SLMAP: variants seen among roughly 807,000 people sequenced by gnomAD.
The protein encoded by SLMAP is sarcolemma associated protein, also known as sarcolemmal membrane-associated protein.
In SLMAP, 44 loss-of-function variants were observed where a neutral mutation model predicts 128.8. That is an observed-to-expected ratio of 0.34 (90% CI 0.27 to 0.44). The LOEUF is 0.44. Among genes scored for constraint, SLMAP ranks in the 20% least tolerant of loss-of-function variants. The probability of loss-of-function intolerance (pLI) is 1.00; values close to 1 mark genes in which losing one functional copy is unlikely to be tolerated. For missense variants in SLMAP, 787 were observed against 985.3 expected (o/e 0.80, Z 2.69); for synonymous variants, 327 against 348.8 (o/e 0.94, Z 0.70).
At chr3:57,798,762 A>G (rs2087420875) in intron 2 of SLMAP, among the ~76,000 whole-genome samples, 1 of 152,184 alleles carries the variant, frequency 6.6e-6, no homozygotes, top group Non-Finnish European at 1.5e-5. Context: ...ACCATATTGA[A>G]ATTCACTTTT....
chr3:57,871,780 A>C, intron 14 of SLMAP, 82 bp downstream of exon 14: 134 of 1,040,940 alleles, frequency 1.3e-4, no homozygotes, highest in Non-Finnish European at 1.7e-4. Context: ...TGAGGATCTC[A>C]ATGTGTTTGT....
At chr3:57,877,870 C>G (rs1227409726) in intron 14 of SLMAP, among the ~76,000 whole-genome samples, 1 of 144,822 alleles carries the variant, frequency 6.9e-6, no homozygotes, top group Non-Finnish European at 1.5e-5. Flanking sequence ...AGTCTCGCTC[C>G]GTTGCCCAGG....
At position 57,910,196 on chromosome 3, in the gene SLMAP, T is replaced by G. The variant is rs1335961017; in HGVS notation, c.1699+1046T>G. On this transcript the variant is annotated intron_variant, in intron 19 of 24. Transcript: ENST00000671191. ...ACTTGTATTGCAAGAAAATATTTTTTTGCTTGTTTTTTTGAGACATAGTCT... is the reference window on the plus strand; with the variant it reads ...ACTTGTATTGCAAGAAAATATTTTTGTGCTTGTTTTTTTGAGACATAGTCT... Among the ~76,000 whole-genome samples, 4 of 152,090 alleles carry G rather than the reference T, an allele frequency of 2.6e-5. No homozygotes were observed. The East Asian group carries it at 7.7e-4, about 29-fold the overall frequency.
intron 17 of SLMAP, chr3:57,898,779 G>C (rs898522898): frequency 2.0e-5 from 3 of 152,188 alleles, no homozygotes; most frequent in Non-Finnish European, 4.4e-5. Flanking sequence ...ACAAAGCTAA[G>C]AGCCAAAGAA....
intron 2 of SLMAP, among the ~76,000 whole-genome samples, chr3:57,818,287 C>G (rs1219664562): frequency 6.6e-6 from 1 of 152,206 alleles, no homozygotes; most frequent in Non-Finnish European, 1.5e-5. Context: ...TCCCTAGTAG[C>G]TGGGATTACA....
chr3:57,759,202 T>C (rs1397232129), intron 2 of SLMAP, among the ~76,000 whole-genome samples: 2 of 152,316 alleles, frequency 1.3e-5, no homozygotes, highest in South Asian at 2.1e-4. Context: ...CTCATTTACC[T>C]GTGGAACAGA....
At chr3:57,892,005 A>T (rs925817040) in intron 15 of SLMAP, among the ~76,000 whole-genome samples, 2 of 152,206 alleles carry the variant, frequency 1.3e-5, no homozygotes, top group African/African-American at 4.8e-5. Context: ...AATTATGGCA[A>T]ATAAGTCCAT....
At chr3:57,884,180 C>T (rs1560404555) in intron 14 of SLMAP, among the ~76,000 whole-genome samples, 1 of 152,100 alleles carries the variant, frequency 6.6e-6, no homozygotes. Flanking sequence ...CTGCCTGCCT[C>T]GGTCTCCCAA....
chr3:57,850,787 C>A (rs890452068), intron 6 of SLMAP, among the ~76,000 whole-genome samples: 1 of 152,106 alleles, frequency 6.6e-6, no homozygotes, highest in African/African-American at 2.4e-5. Context: ...GCATCCACCA[C>A]CCACAGCTGG....
intron 14 of SLMAP, among the ~76,000 whole-genome samples, chr3:57,882,924 G>T (rs1257571773): frequency 6.6e-6 from 1 of 151,872 alleles, no homozygotes; most frequent in Non-Finnish European, 1.5e-5. Context: ...ATTATCTGCT[G>T]TGTTCATGTA....
intron 2 of SLMAP, among the ~76,000 whole-genome samples, chr3:57,783,829 T>A (rs1253743087): frequency 6.6e-6 from 1 of 152,012 alleles, no homozygotes; most frequent in East Asian, 1.9e-4. Flanking sequence ...CAATTTTGAG[T>A]CAGGGCCAGG....
At chr3:57,850,276 C>A (rs2094453744) in intron 6 of SLMAP, among the ~76,000 whole-genome samples, 1 of 151,982 alleles carries the variant, frequency 6.6e-6, no homozygotes, top group Admixed American at 6.6e-5. Context: ...GAAATACTGT[C>A]TTTTCAAAAA....
At position 57,927,446 on chromosome 3, in the gene SLMAP, C is replaced by A; in HGVS notation, c.*157C>A. 2 of 1,059,452 alleles carry A rather than the reference C, an allele frequency of 1.9e-6. No individual in the cohort carries two copies. The highest frequency in any genetic ancestry group is 2.8e-6 in the Non-Finnish European group (2 of 715,944). The allele number at this position is 1,059,452 out of a possible 1,614,324, so 65.6% of individuals were successfully genotyped here. A position where few individuals can be genotyped will look rare whatever the true frequency, so the allele number is the denominator to read the frequency against. ...TCTAGAAGCTGGCATCACACTCATG[C>A]TGGGGACAAACAGAACCATTTTCTT... On this transcript the variant is annotated 3_prime_UTR_variant, in exon 25 of 25. Transcript: ENST00000671191.
intron 22 of SLMAP, chr3:57,917,363 C>A: frequency 1.8e-6 from 1 of 564,640 alleles, no homozygotes; most frequent in Non-Finnish European, 2.7e-6. Flanking sequence ...GTCTCTTGAT[C>A]TATTGTTTAA....
intron 4 of SLMAP, among the ~76,000 whole-genome samples, chr3:57,842,746 T>C (rs1351746343): frequency 2.6e-5 from 4 of 152,148 alleles, no homozygotes; most frequent in Admixed American, 6.5e-5. Flanking sequence ...CTTCTCATTG[T>C]TTGTCTTTTC....
chr3:57,785,794 A>G (rs1348846087), intron 2 of SLMAP, among the ~76,000 whole-genome samples: 2 of 152,190 alleles, frequency 1.3e-5, no homozygotes, highest in East Asian at 1.9e-4. Context: ...GAGATTTTAT[A>G]TAAAGACCAG....
At chr3:57,815,277 G>A (rs894528205) in intron 2 of SLMAP, among the ~76,000 whole-genome samples, 1 of 152,146 alleles carries the variant, frequency 6.6e-6, no homozygotes, top group Non-Finnish European at 1.5e-5. Context: ...CTTACCTCCT[G>A]TTGTGCGGCC....
intron 4 of SLMAP, 80 bp from the exon 5 acceptor site, chr3:57,847,117 G>A (rs2094293046): frequency 7.1e-6 from 6 of 840,610 alleles, no homozygotes; most frequent in South Asian, 4.6e-5. Flanking sequence ...ACTTTGTGGT[G>A]TAAGATATTC....
chr3:57,892,839 T>C (rs532226752), intron 15 of SLMAP, among the ~76,000 whole-genome samples: 1 of 149,516 alleles, frequency 6.7e-6, no homozygotes, highest in East Asian at 2.0e-4. Flanking sequence ...TTCTTTTTTT[T>C]TTTTTTTTTT....
Sources: gnomAD v4.1 joint callset for allele counts (sites outside exome capture counted in the v4.1 genomes callset) on GRCh38, gnomAD v4.1.1 for gene constraint, MANE v1.5 for transcripts, NCBI Gene and HGNC (gene_info 2026-07-23, HGNC 2026-07-21) for gene names.